The following ESR1 variants were observed in gnomAD, a reference collection of about 807,000 sequenced individuals.
ESR1 encodes the protein estrogen receptor 1.
ESR1 carries 12 observed loss-of-function variants against 52.7 expected under a neutral mutation model. That is an observed-to-expected ratio of 0.23 (90% CI 0.15 to 0.37). The LOEUF is 0.37. Among genes scored for constraint, ESR1 ranks in the 10% least tolerant of loss-of-function variants. The pLI is 1.00. For missense variants in ESR1, 584 were observed against 779.7 expected, an observed-to-expected ratio of 0.75 and a Z score of 2.99; for synonymous variants, 305 against 316.8, an observed-to-expected ratio of 0.96 and a Z score of 0.39.
At chr6:151,870,877 G>C (rs1370651632) in intron 2 of ESR1, among the ~76,000 whole-genome samples, 1 of 151,422 alleles carries the variant, frequency 6.6e-6, no homozygotes, top group Non-Finnish European at 1.5e-5. Context: ...TTTAAGGCAG[G>C]GTCTCACTCT....
chr6:151,757,889 A>T (rs559867286), intron 2 of ESR1, among the ~76,000 whole-genome samples: 2 of 152,318 alleles, frequency 1.3e-5, no homozygotes, highest in Non-Finnish European at 2.9e-5. Context: ...CAATGGTCTG[A>T]CCTTGAGGAA....
chr6:151,677,057 T>TC (rs1778277029), intron 1 of ESR1, among the ~76,000 whole-genome samples: 1 of 152,208 alleles, frequency 6.6e-6, no homozygotes, highest in African/African-American at 2.4e-5. Context: ...CACTCTGTCA[T>TC]CCAGGCTGAT....
intron 1 of ESR1, among the ~76,000 whole-genome samples, chr6:151,835,052 G>A (rs774699501): frequency 6.6e-6 from 1 of 152,084 alleles, no homozygotes; most frequent in Non-Finnish European, 1.5e-5. Context: ...AGCCAGCAAA[G>A]CTCCCTGGAG....
At chr6:151,694,355 A>C (rs1779166470) in intron 1 of ESR1, among the ~76,000 whole-genome samples, 1 of 152,254 alleles carries the variant, frequency 6.6e-6, no homozygotes, top group South Asian at 2.1e-4. Context: ...AGATAACATT[A>C]CACCCTCTCT....
intron 6 of ESR1, among the ~76,000 whole-genome samples, chr6:152,074,708 CAAT>C (rs1378524872): frequency 6.6e-6 from 1 of 152,338 alleles, no homozygotes; most frequent in Middle Eastern, 3.4e-3. Context: ...TTTCCACCAA[CAAT>C]GAGTGAGAGT....
upstream of ESR1, among the ~76,000 whole-genome samples, chr6:151,685,682 C>A (rs997137845): frequency 1.3e-5 from 2 of 152,142 alleles, no homozygotes; most frequent in African/African-American, 4.8e-5. Context: ...TCAGCAGTAT[C>A]AATAATGTTT....
At chr6:152,049,785 G>T (rs1401215141) in intron 5 of ESR1, among the ~76,000 whole-genome samples, 1 of 152,172 alleles carries the variant, frequency 6.6e-6, no homozygotes, top group Non-Finnish European at 1.5e-5. Context: ...TCCTACGAGG[G>T]GTTGGAAGTG....
chr6:151,903,397 G>C (rs1796971314), intron 3 of ESR1, among the ~76,000 whole-genome samples: 1 of 152,102 alleles, frequency 6.6e-6, no homozygotes, highest in Non-Finnish European at 1.5e-5. Context: ...AACTGTGAGA[G>C]AGCCGTTTCC....
intron 5 of ESR1, among the ~76,000 whole-genome samples, chr6:152,028,518 G>T (rs986495868): frequency 1.3e-5 from 2 of 152,194 alleles, no homozygotes; most frequent in Admixed American, 1.3e-4. Flanking sequence ...GGCTCAGAGG[G>T]TCCTACACCC....
intron 3 of ESR1, among the ~76,000 whole-genome samples, chr6:151,899,008 G>A (rs1480547867): frequency 2.0e-5 from 3 of 151,362 alleles, no homozygotes; most frequent in Non-Finnish European, 4.4e-5. Flanking sequence ...TCCCGGACGG[G>A]GCGGCTGGCC....
At chr6:151,908,414 A>AAT (rs1797770420) in intron 3 of ESR1, among the ~76,000 whole-genome samples, 1 of 152,204 alleles carries the variant, frequency 6.6e-6, no homozygotes, top group Non-Finnish European at 1.5e-5. Context: ...ATATCATTGA[A>AAT]TGAGTTCATT....
chr6:151,966,344 C>T (rs1370306735), intron 4 of ESR1, among the ~76,000 whole-genome samples: 1 of 152,136 alleles, frequency 6.6e-6, no homozygotes, highest in African/African-American at 2.4e-5. Context: ...CCTTCTCTAT[C>T]ATGTCTCTAG....
chr6:152,085,279 G>C (rs1239310538), intron 6 of ESR1, among the ~76,000 whole-genome samples: 1 of 151,588 alleles, frequency 6.6e-6, no homozygotes, highest in South Asian at 2.1e-4. Context: ...CTCCACCCTG[G>C]GTGACAGAGC....
chr6:152,083,921 G>A (rs2049459467), intron 6 of ESR1, among the ~76,000 whole-genome samples: 1 of 151,990 alleles, frequency 6.6e-6, no homozygotes, highest in Non-Finnish European at 1.5e-5. Context: ...CTCATTAGTG[G>A]GTATATACCC....
chr6:151,827,409 A>G (rs1383172770), intron 1 of ESR1, among the ~76,000 whole-genome samples: 1 of 151,616 alleles, frequency 6.6e-6, no homozygotes, highest in Non-Finnish European at 1.5e-5. Flanking sequence ...AAGGAGAGGA[A>G]CGTGGGGGAC....
intron 2 of ESR1, among the ~76,000 whole-genome samples, chr6:151,736,861 C>T (rs1782720151): frequency 6.6e-6 from 1 of 152,054 alleles, no homozygotes; most frequent in African/African-American, 2.4e-5. Flanking sequence ...CACGCTGGCT[C>T]CTGAGTCCAT....
intron 1 of ESR1, among the ~76,000 whole-genome samples, chr6:151,671,758 G>A (rs1211028163): frequency 2.0e-5 from 3 of 152,182 alleles, no homozygotes; most frequent in Non-Finnish European, 2.9e-5. Flanking sequence ...TTGGGAGGCC[G>A]AGATGGGCAG....
chr6:152,098,910 T>G lies in ESR1; in HGVS notation c.1732T>G (p.Ser578Ala), dbSNP rs2050854414. 1 of 1,614,112 alleles carries G rather than the reference T, an allele frequency of 6.2e-7. No individual in the cohort carries two copies. The highest frequency in any genetic ancestry group is 8.5e-7 in the Non-Finnish European group (1 of 1,180,058). The change falls in exon 8 of 8, where the codon TCC (serine) becomes GCC (alanine). Residue 578 changes from serine to alanine, a missense_variant. Physicochemically the swap from Ser to Ala is moderately conservative, Grantham distance 99. Around this residue, in one of 6 missense-constraint regions of ESR1, gnomAD observed 71 missense variants for 66.1 expected, o/e 1.07. Transcript: ENST00000206249. This position sits in a 1 kb window ranked among gnomAD's most constrained non-coding sequence, Gnocchi z 5.1. The stretch of plus-strand genomic sequence containing the variant: ...CACTGCGGGCTCTACTTCATCGCAT[T>G]CCTTGCAAAAGTATTACATCACGGG... ...LATAGSTSSH[S>A]LQKYYITGEA...
chr6:151,872,029 T>A (rs996551618), intron 2 of ESR1, among the ~76,000 whole-genome samples: 4 of 152,200 alleles, frequency 2.6e-5, no homozygotes, highest in Non-Finnish European at 5.9e-5. Context: ...ACTGAGTAAT[T>A]TTGCTATGAA....
Sources: allele counts gnomAD v4.1 joint callset (sites outside exome capture counted in the v4.1 genomes callset), GRCh38; gene constraint gnomAD v4.1.1; regional missense constraint gnomAD v4.1.1; non-coding constraint Gnocchi (gnomAD v3.1); transcripts MANE v1.5; gene names NCBI Gene and HGNC (gene_info 2026-07-23, HGNC 2026-07-21).